NRXN1: variants seen among roughly 807,000 people sequenced by gnomAD.
The protein encoded by NRXN1 is neurexin-1.
A neutral mutation model predicts 150.9 loss-of-function variants in NRXN1; 39 were observed. The ratio of observed to expected loss-of-function variants is 0.26; its 90% CI spans 0.20 to 0.34. NRXN1 has a LOEUF of 0.34. NRXN1 is among the 10% of genes least tolerant of loss of function. NRXN1 has a pLI of 1.00. For missense variants in NRXN1, 1,815 were observed against 1,949.9 expected, an observed-to-expected ratio of 0.93 and a Z score of 1.30; for synonymous variants, 924 against 757.0, an observed-to-expected ratio of 1.22 and a Z score of -3.62.
chr2:50,930,777 G>C (rs1313406860), intron 2 of NRXN1, among the ~76,000 whole-genome samples: 1 of 152,096 alleles, frequency 6.6e-6, no homozygotes, highest in Non-Finnish European at 1.5e-5. Flanking sequence ...GCTGAGAAAT[G>C]AATGCTTCCT....
chr2:50,487,038 G>A (rs2090923007), intron 15 of NRXN1, among the ~76,000 whole-genome samples: 1 of 152,050 alleles, frequency 6.6e-6, no homozygotes, highest in Non-Finnish European at 1.5e-5. Flanking sequence ...TTATTGTTCT[G>A]GTGAGATGCT....
intron 18 of NRXN1, among the ~76,000 whole-genome samples, chr2:50,169,709 C>G (rs1382465976): frequency 1.4e-5 from 1 of 71,524 alleles, no homozygotes; most frequent in Admixed American, 1.8e-4. Flanking sequence ...AAGCTTCCAT[C>G]TCAAAAAAAA....
intron 17 of NRXN1, among the ~76,000 whole-genome samples, chr2:50,397,038 C>T (rs1057099961): frequency 6.6e-6 from 1 of 151,928 alleles, no homozygotes; most frequent in Non-Finnish European, 1.5e-5. Context: ...CCTGACTCTC[C>T]CGAAGATGGT....
chr2:50,820,688 G>T (rs1237346971), intron 5 of NRXN1, among the ~76,000 whole-genome samples: 1 of 152,186 alleles, frequency 6.6e-6, no homozygotes, highest in East Asian at 1.9e-4. Flanking sequence ...TTTCCCAGAC[G>T]CTTCTAAAGC....
chr2:50,354,211 C>T (rs567606841), intron 17 of NRXN1, among the ~76,000 whole-genome samples: 1 of 152,188 alleles, frequency 6.6e-6, no homozygotes, highest in South Asian at 2.1e-4. Context: ...TCTCATCTCA[C>T]ACCATGTAAC....
intron 8 of NRXN1, among the ~76,000 whole-genome samples, chr2:50,594,725 G>A (rs765172928): frequency 4.6e-5 from 7 of 152,038 alleles, no homozygotes; most frequent in Non-Finnish European, 7.4e-5. Flanking sequence ...TTCTATTCAC[G>A]CTAACAGCAT....
intron 17 of NRXN1, among the ~76,000 whole-genome samples, chr2:50,309,762 T>C (rs1558499878): frequency 6.6e-6 from 1 of 152,138 alleles, no homozygotes; most frequent in Non-Finnish European, 1.5e-5. Flanking sequence ...TAATTATTAA[T>C]TGCACTTACT....
chr2:50,735,711 C>G (rs1016627733), intron 5 of NRXN1, among the ~76,000 whole-genome samples: 1 of 152,122 alleles, frequency 6.6e-6, no homozygotes, highest in South Asian at 2.1e-4. Context: ...AAATGGCTCA[C>G]AAACACACAA....
intron 21 of NRXN1, among the ~76,000 whole-genome samples, chr2:50,012,311 C>T (rs902227505): frequency 1.2e-4 from 18 of 152,054 alleles, no homozygotes; most frequent in Admixed American, 1.2e-3. Context: ...GCATTTACAA[C>T]TTGTATGTCT....
chr2:50,907,419 T>C (rs531656037), intron 5 of NRXN1, among the ~76,000 whole-genome samples: 1 of 152,218 alleles, frequency 6.6e-6, no homozygotes, highest in East Asian at 1.9e-4. Context: ...CTCTTGTTAA[T>C]CTGTCCTTCA....
intron 5 of NRXN1, among the ~76,000 whole-genome samples, chr2:50,688,505 CA>C (rs1371465103): frequency 6.6e-6 from 1 of 152,068 alleles, no homozygotes; most frequent in East Asian, 1.9e-4. Context: ...CAGAGTGGTG[CA>C]GGACTGGGTG....
intron 2 of NRXN1, among the ~76,000 whole-genome samples, chr2:50,928,673 A>G (rs1473190354): frequency 1.3e-5 from 2 of 152,066 alleles, no homozygotes; most frequent in East Asian, 3.9e-4. Flanking sequence ...AGCAGCAACA[A>G]AGACAGGTGC....
chr2:50,664,066 A>G (rs1687671711), intron 5 of NRXN1, among the ~76,000 whole-genome samples: 1 of 152,150 alleles, frequency 6.6e-6, no homozygotes, highest in Admixed American at 6.6e-5. Flanking sequence ...ATAATGCTGA[A>G]CAAACAGATC....
intron 2 of NRXN1, among the ~76,000 whole-genome samples, chr2:50,926,311 A>G (rs550421383): frequency 6.6e-6 from 1 of 152,052 alleles, no homozygotes; most frequent in East Asian, 1.9e-4. Flanking sequence ...CTTTTTAACA[A>G]TTCTAAAAGG....
chr2:50,110,070 T>C (rs550506537), intron 18 of NRXN1, among the ~76,000 whole-genome samples: 3 of 152,184 alleles, frequency 2.0e-5, no homozygotes, highest in Non-Finnish European at 4.4e-5. Context: ...GGCATGGGAA[T>C]AAGGGAGTCT....
chr2:50,614,977 G>T (rs941684519), intron 8 of NRXN1, among the ~76,000 whole-genome samples: 4 of 152,088 alleles, frequency 2.6e-5, no homozygotes, highest in African/African-American at 9.7e-5. Context: ...ATTTCATTAA[G>T]GAATCAATCA....
intron 22 of NRXN1, among the ~76,000 whole-genome samples, chr2:49,939,850 A>T (rs1019154475): frequency 1.1e-4 from 16 of 152,212 alleles, no homozygotes; most frequent in Non-Finnish European, 1.8e-4. Flanking sequence ...TTAGCAGAGC[A>T]GTAGGTATAT....
At chr2:50,402,295 G>GTT (rs796953259) in intron 17 of NRXN1, among the ~76,000 whole-genome samples, 1 of 151,404 alleles carries the variant, frequency 6.6e-6, no homozygotes, top group African/African-American at 2.4e-5. Context: ...TTTTTTGTTG[G>GTT]TTTTTTTAAA....
intron 5 of NRXN1, among the ~76,000 whole-genome samples, chr2:50,894,751 C>T (rs971635225): frequency 2.0e-5 from 3 of 152,038 alleles, no homozygotes; most frequent in African/African-American, 7.2e-5. Flanking sequence ...TGTTATATTA[C>T]TGAATCCAGT....
Sources: allele counts gnomAD v4.1 joint callset (sites outside exome capture counted in the v4.1 genomes callset), GRCh38; gene constraint gnomAD v4.1.1; transcripts MANE v1.5; gene names NCBI Gene and HGNC (gene_info 2026-07-23, HGNC 2026-07-21).